The following ARHGAP26 variants were observed in gnomAD, a reference collection of about 807,000 sequenced individuals.
ARHGAP26 encodes the protein Rho GTPase activating protein 26.
Under a neutral mutation model 104.8 loss-of-function variants are expected in ARHGAP26, and 38 were observed. The ratio of observed to expected loss-of-function variants is 0.36; its 90% confidence interval spans 0.28 to 0.48. ARHGAP26 has a LOEUF of 0.48. Among genes scored for constraint, ARHGAP26 ranks in the 20% least tolerant of loss-of-function variants. The pLI is 0.99. For missense variants in ARHGAP26, 704 were observed against 947.9 expected (o/e 0.74, Z 3.38); for synonymous variants, 341 against 340.0 (o/e 1.00, Z -0.03).
rs937464706 is a variant in ARHGAP26 at position 142,792,504 on chromosome 5, C to T, written c.154+21589C>T. Among the ~76,000 whole-genome samples the T allele has an allele frequency of 5.9e-5, 9 of 152,268 alleles. No homozygotes were observed. The East Asian group carries it at 9.6e-4, about 16-fold the overall frequency. The stretch of plus-strand genomic sequence containing the variant: ...TTGCTCACACAGATGCCCTGTTTGG[C>T]GACATCTAAGCACTAGAGACTTATT... On this transcript the variant is annotated intron_variant, in intron 1 of 22. Transcript: ENST00000645722.
intron 21 of ARHGAP26, among the ~76,000 whole-genome samples, chr5:143,207,716 T>G (rs1808797616): frequency 6.6e-6 from 1 of 152,260 alleles, no homozygotes; most frequent in South Asian, 2.1e-4. Flanking sequence ...CTGGTTTTGA[T>G]GGCTCTCTCA....
intron 13 of ARHGAP26, 23 bp downstream of exon 13, chr5:143,037,284 A>G (rs1036121830): frequency 1.3e-6 from 2 of 1,567,368 alleles, no homozygotes; most frequent in Non-Finnish European, 1.7e-6. Context: ...AACAGATGGC[A>G]TTGTTCTCAT....
chr5:143,205,192 A>G (rs893544931), intron 20 of ARHGAP26, among the ~76,000 whole-genome samples: 2 of 152,066 alleles, frequency 1.3e-5, no homozygotes, highest in South Asian at 2.1e-4. Context: ...ACTGTCTTAC[A>G]TTACTGTTGT....
chr5:143,068,024 T>A (rs1344228258), intron 17 of ARHGAP26, among the ~76,000 whole-genome samples: 1 of 151,898 alleles, frequency 6.6e-6, no homozygotes, highest in Middle Eastern at 3.2e-3. Context: ...ATTACCTGGG[T>A]GTGGTGGCAT....
chr5:143,113,976 G>A lies in ARHGAP26; in HGVS notation c.1539-7012G>A, dbSNP rs1209355681. Among the ~76,000 whole-genome samples the A allele has an allele frequency of 3.9e-5, 6 of 152,116 alleles. No homozygotes were observed. The East Asian group carries it at 1.2e-3, about 29-fold the overall frequency. On this transcript the variant is annotated intron_variant, in intron 17 of 22. Coordinates refer to ENST00000645722, the MANE Select transcript of ARHGAP26 (RefSeq NM_001135608.3). ...CTTCATTCCCCTCCTGACTTTGCCC[G>A]TCGTTAGCTGTGTAACCTCGAGCCA...
At chr5:143,157,936 A>G (rs559918460) in intron 20 of ARHGAP26, among the ~76,000 whole-genome samples, 1 of 152,190 alleles carries the variant, frequency 6.6e-6, no homozygotes, top group Admixed American at 6.5e-5. Flanking sequence ...GTTATTTGCT[A>G]TCTCTAAGCT....
chr5:142,872,923 C>T (rs941770895), intron 1 of ARHGAP26, among the ~76,000 whole-genome samples: 3 of 152,188 alleles, frequency 2.0e-5, no homozygotes, highest in African/African-American at 7.2e-5. Flanking sequence ...CTCCTTCCAG[C>T]CTTCTCCAGG....
intron 6 of ARHGAP26, 56 bp from the exon 7 acceptor site, chr5:142,901,879 A>G (rs1330649697): frequency 2.1e-6 from 3 of 1,446,866 alleles, no homozygotes; most frequent in Non-Finnish European, 2.9e-6. Flanking sequence ...ATACAGCTAC[A>G]TAATACCTCT....
At position 142,844,260 on chromosome 5, in the gene ARHGAP26, A is replaced by G. The variant is rs1439923413; in HGVS notation, c.155-29140A>G. The stretch of plus-strand genomic sequence containing the variant: ...GAGATGGGGTTTCGCCATATCGACC[A>G]GGCTGGTCTCAAACTCCTGACCTCA... On this transcript the variant is annotated intron_variant, in intron 1 of 22. Transcript: ENST00000645722. Among the ~76,000 whole-genome samples the G allele has an allele frequency of 2.6e-5, 4 of 152,078 alleles. No individual in the cohort carries two copies. In the South Asian group the frequency reaches 8.3e-4, roughly 32 times the overall value.
chr5:143,180,936 C>T (rs1804242550), intron 20 of ARHGAP26, among the ~76,000 whole-genome samples: 1 of 152,226 alleles, frequency 6.6e-6, no homozygotes, highest in Non-Finnish European at 1.5e-5. Context: ...CTCCCCTGCA[C>T]CCACACCTGT....
intron 13 of ARHGAP26, among the ~76,000 whole-genome samples, chr5:143,038,172 C>A (rs1368688735): frequency 1.3e-5 from 2 of 152,178 alleles, no homozygotes; most frequent in Non-Finnish European, 2.9e-5. Context: ...TCTCAGCCTA[C>A]CAGCCCTTTT....
intron 1 of ARHGAP26, among the ~76,000 whole-genome samples, chr5:142,813,090 A>G (rs1181942472): frequency 6.6e-6 from 1 of 151,768 alleles, no homozygotes; most frequent in Non-Finnish European, 1.5e-5. Context: ...GGTGCCGGCT[A>G]CCATGCCCGG....
rs191993689 is a variant in ARHGAP26, at chr5:143,182,070, G to T, written c.1989-25128G>T. On this transcript the variant is annotated intron_variant, in intron 20 of 22. Coordinates refer to ENST00000645722, the MANE Select transcript of ARHGAP26 (RefSeq NM_001135608.3). ...GCACCTGCTCCTGCTGCCTCAGAAG[G>T]TTCTTCCCTGATCCTTACATGCTAT... is the stretch of plus-strand genomic sequence containing the variant. Among the ~76,000 whole-genome samples, 9 of 152,268 alleles carry T rather than the reference G, an allele frequency of 5.9e-5. No individual in the cohort carries two copies. In the East Asian group the frequency reaches 1.7e-3, roughly 29 times the overall value.
At chr5:142,902,929 G>C (rs191703102) in intron 7 of ARHGAP26, among the ~76,000 whole-genome samples, 1 of 152,194 alleles carries the variant, frequency 6.6e-6, no homozygotes, top group Non-Finnish European at 1.5e-5. Context: ...TCGCAGAGGG[G>C]GAAATAGAGC....
intron 20 of ARHGAP26, among the ~76,000 whole-genome samples, chr5:143,175,852 G>A (rs1291776262): frequency 1.3e-5 from 2 of 152,148 alleles, no homozygotes; most frequent in African/African-American, 2.4e-5. Flanking sequence ...AGTGGCTCAC[G>A]CCTGTAATCC....
At chr5:142,977,418 TA>T (rs540356223) in intron 11 of ARHGAP26, among the ~76,000 whole-genome samples, 33 of 148,758 alleles carry the variant, frequency 2.2e-4, no homozygotes, top group African/African-American at 6.7e-4. Flanking sequence ...TTAACCTTAT[TA>T]AAAAAAAAAC....
chr5:143,212,354 GAAAAA>G (rs201236164), intron 21 of ARHGAP26, among the ~76,000 whole-genome samples: 1 of 135,788 alleles, frequency 7.4e-6, no homozygotes. Context: ...AGCCTCTCAA[GAAAAA>G]AAAAAAAAAA....
At chr5:143,221,595 C>T (rs1466783409) in intron 22 of ARHGAP26, among the ~76,000 whole-genome samples, 1 of 152,108 alleles carries the variant, frequency 6.6e-6, no homozygotes, top group Non-Finnish European at 1.5e-5. Context: ...CTCACTGCAG[C>T]CTCGACCTGC....
intron 21 of ARHGAP26, among the ~76,000 whole-genome samples, chr5:143,210,692 C>T (rs1182115816): frequency 1.3e-5 from 2 of 152,242 alleles, no homozygotes; most frequent in African/African-American, 4.8e-5. Flanking sequence ...ACCTGCCAGT[C>T]TAGCTGGTCC....
Sources: allele counts gnomAD v4.1 joint callset (sites outside exome capture counted in the v4.1 genomes callset), GRCh38; gene constraint gnomAD v4.1.1; transcripts MANE v1.5; gene names NCBI Gene and HGNC (gene_info 2026-07-23, HGNC 2026-07-21).